Variants in C2orf42 observed in about 807,000 individuals in gnomAD.
The protein encoded by C2orf42 is uncharacterized protein C2orf42.
Under a neutral mutation model 58.9 loss-of-function variants are expected in C2orf42, and 44 were observed. That is an observed-to-expected ratio of 0.75 (90% CI 0.59 to 0.96). The LOEUF (loss-of-function observed/expected upper bound fraction) is 0.96. Ranked by LOEUF, C2orf42 falls within the 40% of genes least tolerant of loss-of-function variation. The probability of loss-of-function intolerance (pLI) is 0.00; values close to 1 mark genes in which losing one functional copy is unlikely to be tolerated. For synonymous variants in C2orf42, 239 were observed against 265.4 expected (o/e 0.90, Z 0.97); for missense variants, 630 against 699.2 (o/e 0.90, Z 1.12).
intron 8 of C2orf42, among the ~76,000 whole-genome samples, chr2:70,164,034 G>C (rs972027546): frequency 1.3e-5 from 2 of 151,348 alleles, no homozygotes; most frequent in African/African-American, 4.9e-5. Flanking sequence ...TTAATAGGGT[G>C]GGCCTGGTGG....
At chr2:70,160,998 C>T (rs967726438) in intron 8 of C2orf42, among the ~76,000 whole-genome samples, 1 of 152,118 alleles carries the variant, frequency 6.6e-6, no homozygotes, top group Admixed American at 6.6e-5. Flanking sequence ...TCTCTAAAAT[C>T]TTAAATTTCC....
At chr2:70,188,676 G>C (rs1387088479) in intron 1 of C2orf42, among the ~76,000 whole-genome samples, 1 of 152,064 alleles carries the variant, frequency 6.6e-6, no homozygotes, top group Non-Finnish European at 1.5e-5. Flanking sequence ...CTGAACTCTA[G>C]ACTTTGCCCC....
intron 5 of C2orf42, 22 bp from the exon 6 acceptor site, chr2:70,169,683 A>G (rs560880548): frequency 1.1e-4 from 116 of 1,082,590 alleles, no homozygotes; most frequent in South Asian, 1.8e-4. Context: ...AAAACCACAC[A>G]TACACACTTC....
At chr2:70,183,738 A>AC (rs200541527) in intron 1 of C2orf42, among the ~76,000 whole-genome samples, 3,452 of 151,454 alleles carry the variant, frequency 0.023, 152 homozygotes, top group African/African-American at 0.079. Flanking sequence ...TTAAAAAAAA[A>AC]AAAAAAGAAC....
At chr2:70,185,854 G>T (rs1281902085) in intron 1 of C2orf42, among the ~76,000 whole-genome samples, 7 of 151,464 alleles carry the variant, frequency 4.6e-5, no homozygotes, top group Admixed American at 6.6e-5. Flanking sequence ...GCATAGCAGG[G>T]TTTCTCCACC....
rs1354960984 is a variant in C2orf42, at chr2:70,162,362, T to G, written c.1354-1575A>C. Among the ~76,000 whole-genome samples the G allele has an allele frequency of 2.0e-5, 3 of 150,860 alleles. No homozygotes were observed. The East Asian group carries it at 6.0e-4, about 30-fold the overall frequency. ...TTATTTTTTTAAGAGTAGGGGCCTTTGCTGGCCTGGCGCACTGGCTCACGC... is the reference window on the plus strand; with the variant it reads ...TTATTTTTTTAAGAGTAGGGGCCTTGGCTGGCCTGGCGCACTGGCTCACGC... On this transcript the variant is annotated intron_variant, in intron 8 of 9. Transcript: ENST00000264434.
intron 6 of C2orf42, among the ~76,000 whole-genome samples, chr2:70,166,563 C>T (rs1296115309): frequency 6.7e-6 from 1 of 149,944 alleles, no homozygotes; most frequent in Non-Finnish European, 1.5e-5. Flanking sequence ...GTAATTCCAG[C>T]TACTCAGGAA....
Position 70,159,417 on chromosome 2 carries a change from G to A in C2orf42, c.1516+1208C>T, listed in dbSNP as rs185672300. ...AGCCTGGGCAACATGGTGAAACCCCGTCTCTACTAAAATACAAAAAATTAG... is the reference window on the plus strand; with the variant it reads ...AGCCTGGGCAACATGGTGAAACCCCATCTCTACTAAAATACAAAAAATTAG... On this transcript the variant is annotated intron_variant, in intron 9 of 9. Coordinates refer to ENST00000264434, the MANE Select transcript of C2orf42 (RefSeq NM_017880.3). Among the ~76,000 whole-genome samples, 250 of 151,356 alleles carry A rather than the reference G, an allele frequency of 1.7e-3. 2 individuals carry two copies. Among genetic ancestry groups the A allele is most frequent in the African/African-American group, 5.8e-3 (240 of 41,302 alleles).
At chr2:70,165,790 C>A (rs374742670) in intron 6 of C2orf42, among the ~76,000 whole-genome samples, 155 bp from the exon 7 acceptor site, 6 of 152,114 alleles carry the variant, frequency 3.9e-5, no homozygotes, top group African/African-American at 1.2e-4. Context: ...CTTTGATTGA[C>A]CTTTCTGGGC....
Position 70,181,387 on chromosome 2 carries a change from C to T in C2orf42, c.599G>A (p.Ser200Asn), listed in dbSNP as rs1288427671. The change falls in exon 3 of 10, where the codon AGT becomes AAT. Residue 200 changes from serine (S) to asparagine (N), a missense_variant. Transcript: ENST00000264434. ...VVKCKASQKH[S>N]LGYLHTSFVQ... is the part of the protein sequence containing the mutation. Reference sequence around the variant, plus strand: ...AAAAGATGTATGCAAATACCCCAAACTGTGCTTCTGGCTTGCCTTGCATTT... The same window carrying T: ...AAAAGATGTATGCAAATACCCCAAATTGTGCTTCTGGCTTGCCTTGCATTT... 6.2e-7 allele frequency: 1 copy of T among 1,614,042 alleles called. No homozygotes were observed. Among genetic ancestry groups the T allele is most frequent in the Non-Finnish European group, 8.5e-7 (1 of 1,180,020 alleles).
At chr2:70,160,850 T>C in intron 8 of C2orf42, 63 bp from the exon 9 acceptor site, 1 of 1,010,478 alleles carries the variant, frequency 9.9e-7, no homozygotes, top group Non-Finnish European at 1.4e-6. Flanking sequence ...GACCAATACC[T>C]GGATGACGAC....
intron 3 of C2orf42, 152 bp from the exon 4 acceptor site, chr2:70,179,794 A>C: frequency 2.4e-6 from 1 of 417,666 alleles, no homozygotes; most frequent in East Asian, 3.4e-5. Flanking sequence ...ACTCTACAAA[A>C]AATAAAAAAT....
chr2:70,185,779 A>C (rs1026684030), intron 1 of C2orf42, among the ~76,000 whole-genome samples: 2 of 150,138 alleles, frequency 1.3e-5, no homozygotes. Context: ...ACACACATAT[A>C]TATATATACA....
At chr2:70,160,498 G>A (rs1156644220) in intron 9 of C2orf42, 127 bp downstream of exon 9, 2 of 614,968 alleles carry the variant, frequency 3.3e-6, no homozygotes, top group Non-Finnish European at 5.5e-6. Context: ...CTTATCCCAC[G>A]ATTGCCTTTA....
At chr2:70,154,891 GA>G (rs1672561175) in intron 9 of C2orf42, among the ~76,000 whole-genome samples, 1 of 151,972 alleles carries the variant, frequency 6.6e-6, no homozygotes, top group African/African-American at 2.4e-5. Context: ...AAGTAGCTGG[GA>G]CCACAGGCAT....
chr2:70,166,273 G>A (rs1673395594), intron 6 of C2orf42, among the ~76,000 whole-genome samples: 1 of 151,236 alleles, frequency 6.6e-6, no homozygotes, highest in Admixed American at 6.6e-5. Flanking sequence ...AGGATCAACT[G>A]AGTCGAGGAG....
intron 1 of C2orf42, among the ~76,000 whole-genome samples, chr2:70,183,982 A>C (rs1674757799): frequency 6.6e-6 from 1 of 151,696 alleles, no homozygotes; most frequent in African/African-American, 2.4e-5. Flanking sequence ...ATTTTTAAAA[A>C]ATTTTTTGGT....
chr2:70,185,650 T>G (rs888990190), intron 1 of C2orf42, among the ~76,000 whole-genome samples: 1 of 151,612 alleles, frequency 6.6e-6, no homozygotes, highest in Non-Finnish European at 1.5e-5. Flanking sequence ...GGCAGAGAGG[T>G]TGCAGTGAGC....
rs141350086 is a variant in C2orf42 at position 70,179,586 on chromosome 2, C to A, written c.880G>T (p.Ala294Ser). The A allele has an allele frequency of 1.4e-3, 2,163 of 1,574,130 alleles. 14 individuals carry two copies. The Middle Eastern group carries it at 0.029, about 21-fold the overall frequency. ...GACTTAGAGGCAGTAGACTCACAAGCAGATACTGTTGATTCTGAATGGCAA... is the reference window on the plus strand; with the variant it reads ...GACTTAGAGGCAGTAGACTCACAAGAAGATACTGTTGATTCTGAATGGCAA... Reference protein sequence around the residue: ...LGCHSESTVSACESTASKSKK... With the variant: ...LGCHSESTVSSCESTASKSKK... The change falls in exon 4 of 10, where the codon GCT becomes TCT. Residue 294 changes from alanine (A) to serine (S), a missense_variant. Physicochemically the swap from Ala to Ser is moderately conservative, Grantham distance 99 (BLOSUM62 1). Coordinates refer to ENST00000264434, the MANE Select transcript of C2orf42 (RefSeq NM_017880.3).
Sources: gnomAD v4.1 joint callset for allele counts (sites outside exome capture counted in the v4.1 genomes callset) on GRCh38, gnomAD v4.1.1 for gene constraint, MANE v1.5 for transcripts, NCBI Gene and HGNC (gene_info 2026-07-23, HGNC 2026-07-21) for gene names.